Variants in SRGAP3 observed in about 807,000 individuals in gnomAD.
SRGAP3 encodes the protein SLIT-ROBO Rho GTPase activating protein 3.
A neutral mutation model predicts 121.1 loss-of-function variants in SRGAP3; 39 were observed. The observed-to-expected ratio is 0.32, with a 90% CI of 0.25 to 0.42. The LOEUF (loss-of-function observed/expected upper bound fraction) is 0.42, where lower values mean the gene tolerates loss of function less well. SRGAP3 is among the 10% of genes least tolerant of loss of function. The probability of loss-of-function intolerance (pLI) is 1.00; values close to 1 mark genes in which losing one functional copy is unlikely to be tolerated. For missense variants in SRGAP3, 1,213 were observed against 1,470.6 expected (o/e 0.82, Z 2.86); for synonymous variants, 601 against 570.0 (o/e 1.05, Z -0.77).
chr3:9,064,861 T>TAAATA (rs112590835), intron 4 of SRGAP3, among the ~76,000 whole-genome samples: 46 of 149,850 alleles, frequency 3.1e-4, no homozygotes, highest in African/African-American at 1.1e-3. Context: ...TAAAAAATAA[T>TAAATA]AATAAATAAA....
At chr3:9,046,566 A>G (rs962460790) in intron 10 of SRGAP3, among the ~76,000 whole-genome samples, 1 of 152,248 alleles carries the variant, frequency 6.6e-6, no homozygotes. Flanking sequence ...ACTGGAATGC[A>G]TTGAGTGGCT....
chr3:9,244,502 T>C (rs1438193893), intron 1 of SRGAP3, among the ~76,000 whole-genome samples: 1 of 150,934 alleles, frequency 6.6e-6, no homozygotes, highest in African/African-American at 2.4e-5. Context: ...CAGGTTGCAA[T>C]GGAAATAGGA....
At chr3:8,989,857 T>C (rs1559848902) in intron 21 of SRGAP3, among the ~76,000 whole-genome samples, 1 of 152,224 alleles carries the variant, frequency 6.6e-6, no homozygotes, top group Non-Finnish European at 1.5e-5. Flanking sequence ...TTCGGCTATT[T>C]AGCTCTGCCC....
At position 9,046,621 on chromosome 3, in the gene SRGAP3, C is replaced by A. The variant is rs557019302; in HGVS notation, c.1408+770G>T. On this transcript the variant is annotated intron_variant, in intron 10 of 21. Transcript: ENST00000383836. ...CCCTCGAGGGCCAAACCCTGACTTA[C>A]ATGTATGGATTTTCCTTCTCTGGAC... is the stretch of plus-strand genomic sequence containing the variant. 5.3e-5 allele frequency among the ~76,000 whole-genome samples: 8 copies of A among 152,268 alleles called. No individual in the cohort carries two copies. The South Asian group carries it at 1.7e-3, about 32-fold the overall frequency.
chr3:9,022,645 G>C (rs950889103), intron 14 of SRGAP3, among the ~76,000 whole-genome samples: 1 of 152,128 alleles, frequency 6.6e-6, no homozygotes. Context: ...GAGTAAGTGA[G>C]AAATCTGGCA....
intron 3 of SRGAP3, chr3:9,292,439 C>A (rs557345826): frequency 3.3e-5 from 5 of 152,322 alleles, no homozygotes; most frequent in African/African-American, 9.6e-5. Context: ...TCTCTATCCA[C>A]CTTACACTTC....
At chr3:9,157,900 A>G (rs772614835) in intron 1 of SRGAP3, among the ~76,000 whole-genome samples, 43 of 152,250 alleles carry the variant, frequency 2.8e-4, no homozygotes, top group Non-Finnish European at 4.3e-4. Context: ...AGCTCGAGGG[A>G]AGATTCTTCA....
chr3:9,287,286 C>T (rs370730363), intron 3 of SRGAP3, among the ~76,000 whole-genome samples: 2 of 152,094 alleles, frequency 1.3e-5, no homozygotes, highest in African/African-American at 4.8e-5. Context: ...ACCACCACAC[C>T]CCAGCACATT....
intron 9 of SRGAP3, 134 bp from the exon 10 acceptor site, chr3:9,047,609 CAG>C: frequency 1.2e-6 from 1 of 813,300 alleles, no homozygotes; most frequent in Non-Finnish European, 2.1e-6. Context: ...GCGCAGGGAA[CAG>C]AGAGGCCTCT....
chr3:9,002,572 G>T lies in SRGAP3; in HGVS notation c.2227+7736C>A, dbSNP rs541318408. Among the ~76,000 whole-genome samples the T allele has an allele frequency of 2.0e-4, 30 of 152,156 alleles. 1 individual carries two copies. The South Asian group carries it at 6.2e-3, about 32-fold the overall frequency. On this transcript the variant is annotated intron_variant, in intron 18 of 21. Transcript: ENST00000383836. ...AAACTAAACCTAGAGCTAGCAGAAG[G>T]AAGGAAATAATAAAGATTAGAGCAG...
intron 3 of SRGAP3, among the ~76,000 whole-genome samples, chr3:9,313,807 CAATAGGGCG>C (rs1955294072): frequency 1.3e-5 from 2 of 152,160 alleles, no homozygotes; most frequent in Non-Finnish European, 2.9e-5. Flanking sequence ...CCAGCCTGGC[CAATAGGGCG>C]AAACCCCATC....
intron 18 of SRGAP3, among the ~76,000 whole-genome samples, chr3:9,000,280 T>C (rs1032091172): frequency 6.6e-6 from 1 of 152,232 alleles, no homozygotes. Context: ...ACTTTGGGCA[T>C]GGCACCACTG....
At chr3:9,217,213 C>CA (rs1379207270) in intron 1 of SRGAP3, 10 of 152,158 alleles carry the variant, frequency 6.6e-5, no homozygotes, top group African/African-American at 2.4e-4. Context: ...GGCTGGCACT[C>CA]GTTAACTGAG....
intron 19 of SRGAP3, chr3:8,994,121 C>G (rs1169041161): frequency 4.8e-6 from 3 of 626,222 alleles, no homozygotes; most frequent in African/African-American, 1.8e-5. Context: ...CCAGAGGCAC[C>G]CAACACCGTT....
At chr3:9,209,117 T>C (rs1405413881) in intron 1 of SRGAP3, among the ~76,000 whole-genome samples, 1 of 152,208 alleles carries the variant, frequency 6.6e-6, no homozygotes, top group East Asian at 1.9e-4. Context: ...TCCCCACCAA[T>C]ATTTTACCTT....
intron 3 of SRGAP3, among the ~76,000 whole-genome samples, chr3:9,094,544 C>T (rs1055682462): frequency 6.6e-6 from 1 of 152,172 alleles, no homozygotes; most frequent in African/African-American, 2.4e-5. Flanking sequence ...TTACTAGATA[C>T]TGCCTGATTG....
At chr3:9,356,163 C>T (rs1465314505) in intron 1 of SRGAP3, among the ~76,000 whole-genome samples, 3 of 150,758 alleles carry the variant, frequency 2.0e-5, no homozygotes, top group East Asian at 1.9e-4. Flanking sequence ...TTTCCTGAAC[C>T]GTGAGACCTG....
chr3:9,004,534 A>C (rs1224095284), intron 18 of SRGAP3, among the ~76,000 whole-genome samples: 1 of 152,240 alleles, frequency 6.6e-6, no homozygotes. Flanking sequence ...ACAAAGCAAC[A>C]GTAATGAAGA....
At chr3:9,311,326 A>C (rs1955240623) in intron 3 of SRGAP3, among the ~76,000 whole-genome samples, 1 of 152,244 alleles carries the variant, frequency 6.6e-6, no homozygotes, top group South Asian at 2.1e-4. Flanking sequence ...CAATACACGT[A>C]AAGTGCAAGG....
Sources: gnomAD v4.1 joint callset for allele counts (sites outside exome capture counted in the v4.1 genomes callset) on GRCh38, gnomAD v4.1.1 for gene constraint, MANE v1.5 for transcripts, NCBI Gene and HGNC (gene_info 2026-07-23, HGNC 2026-07-21) for gene names.